The following MECOM variants were observed in gnomAD, a reference collection of about 807,000 sequenced individuals.
MECOM encodes the protein MDS1 and EVI1 complex locus, also known as histone-lysine N-methyltransferase MECOM.
MECOM carries 13 observed loss-of-function variants against 116.3 expected under a neutral mutation model. The observed-to-expected ratio is 0.11, with a 90% confidence interval of 0.07 to 0.18. The LOEUF (loss-of-function observed/expected upper bound fraction) is 0.18, where lower values mean the gene tolerates loss of function less well. MECOM is among the 10% of genes least tolerant of loss of function. MECOM has a pLI of 1.00. For synonymous variants in MECOM, 528 were observed against 535.2 expected (o/e 0.99, Z 0.19); for missense variants, 1,299 against 1,509.0 (o/e 0.86, Z 2.31).
At chr3:169,439,466 T>C (rs973871098) in intron 1 of MECOM, among the ~76,000 whole-genome samples, 5 of 151,750 alleles carry the variant, frequency 3.3e-5, no homozygotes, top group Non-Finnish European at 7.4e-5. Flanking sequence ...AAATAGGCCA[T>C]AGACATAAAC....
intron 1 of MECOM, among the ~76,000 whole-genome samples, chr3:169,462,752 A>G (rs1003613214): frequency 6.6e-6 from 1 of 152,172 alleles, no homozygotes; most frequent in Non-Finnish European, 1.5e-5. Context: ...TGAATACTGT[A>G]AAGGTAGTCT....
intron 1 of MECOM, among the ~76,000 whole-genome samples, chr3:169,472,580 GAGGAAAGGAAAGGAA>G (rs779270656): frequency 1.7e-5 from 1 of 59,084 alleles, no homozygotes; most frequent in Non-Finnish European, 3.1e-5. Context: ...GAGGAGAGGA[GAGGAAAGGAAAGGAA>G]AGGAAAGGAA....
At chr3:169,577,128 T>C (rs1764610588) in intron 1 of MECOM, among the ~76,000 whole-genome samples, 2 of 152,176 alleles carry the variant, frequency 1.3e-5, no homozygotes, top group African/African-American at 4.8e-5. Context: ...TGTACCTCTG[T>C]TTCCTCACAT....
At chr3:169,196,737 T>C (rs554007562) in intron 2 of MECOM, among the ~76,000 whole-genome samples, 3 of 152,174 alleles carry the variant, frequency 2.0e-5, no homozygotes, top group South Asian at 2.1e-4. Flanking sequence ...AGTTCAGCCA[T>C]TGGGAAAGCA....
chr3:169,413,087 C>G (rs908990601), intron 1 of MECOM, among the ~76,000 whole-genome samples: 1 of 152,236 alleles, frequency 6.6e-6, no homozygotes, highest in Non-Finnish European at 1.5e-5. Context: ...AGAAACAGCT[C>G]TGATCTGCAG....
intron 1 of MECOM, among the ~76,000 whole-genome samples, chr3:169,558,420 G>A (rs902473549): frequency 1.2e-4 from 18 of 152,058 alleles, no homozygotes; most frequent in African/African-American, 3.9e-4. Context: ...ACCAGTAGAC[G>A]CCCATTCTCT....
intron 1 of MECOM, among the ~76,000 whole-genome samples, chr3:169,574,295 C>A: frequency 6.6e-6 from 1 of 152,030 alleles, no homozygotes; most frequent in Non-Finnish European, 1.5e-5. Flanking sequence ...GTGATTTCAC[C>A]GAGAGATTTA....
chr3:169,107,027 A>T lies in MECOM; in HGVS notation c.2604+899T>A, dbSNP rs191902901. Among the ~76,000 whole-genome samples, 282 of 152,336 alleles carry T rather than the reference A, an allele frequency of 1.9e-3. 2 individuals carry two copies. The highest frequency in any genetic ancestry group is 3.4e-3 in the Middle Eastern group (1 of 294). The stretch of plus-strand genomic sequence containing the variant: ...GAGATAAAATGAAGGAATTTCTCAT[A>T]AAGAAAAATTAACATCAAATAGAGG... On this transcript the variant is annotated intron_variant, in intron 10 of 16. Transcript: ENST00000651503.
At chr3:169,415,361 C>G (rs774726178) in intron 1 of MECOM, among the ~76,000 whole-genome samples, 1 of 152,174 alleles carries the variant, frequency 6.6e-6, no homozygotes, top group Non-Finnish European at 1.5e-5. Context: ...CCAGGCCTGC[C>G]TTACAAGCGC....
chr3:169,333,091 C>G (rs1723018800), intron 2 of MECOM, among the ~76,000 whole-genome samples: 1 of 152,150 alleles, frequency 6.6e-6, no homozygotes, highest in African/African-American at 2.4e-5. Context: ...TCCTTTATGT[C>G]TGACCACCAA....
intron 1 of MECOM, among the ~76,000 whole-genome samples, chr3:169,520,828 CA>C (rs1245961917): frequency 1.3e-5 from 2 of 152,094 alleles, no homozygotes; most frequent in Non-Finnish European, 1.5e-5. Flanking sequence ...CTTAGTGGCT[CA>C]GATGTGTAGC....
At chr3:169,561,006 G>A (rs1762573798) in intron 1 of MECOM, among the ~76,000 whole-genome samples, 1 of 151,326 alleles carries the variant, frequency 6.6e-6, no homozygotes, top group Admixed American at 6.6e-5. Flanking sequence ...CAAAACTAGG[G>A]AAATATGAAC....
intron 2 of MECOM, among the ~76,000 whole-genome samples, chr3:169,219,922 AAT>A (rs1171309208): frequency 6.7e-6 from 1 of 148,890 alleles, no homozygotes; most frequent in Admixed American, 6.7e-5. Context: ...TAAAGGATCT[AAT>A]ATATATATTA....
At chr3:169,471,529 T>A (rs904568345) in intron 1 of MECOM, among the ~76,000 whole-genome samples, 1 of 152,176 alleles carries the variant, frequency 6.6e-6, no homozygotes, top group Non-Finnish European at 1.5e-5. Context: ...AGTCACACGC[T>A]CTTTGGGCTT....
At chr3:169,476,007 G>A (rs781385657) in intron 1 of MECOM, among the ~76,000 whole-genome samples, 6 of 152,212 alleles carry the variant, frequency 3.9e-5, no homozygotes, top group Admixed American at 1.3e-4. Context: ...GCCACTTTTC[G>A]CAGCTTTGTT....
intron 2 of MECOM, among the ~76,000 whole-genome samples, chr3:169,375,872 AC>A (rs1730943269): frequency 8.4e-6 from 1 of 119,292 alleles, no homozygotes; most frequent in Non-Finnish European, 1.8e-5. Flanking sequence ...CAGAGACACA[AC>A]AAAAAAAGAA....
At chr3:169,238,901 T>G (rs1417241285) in intron 2 of MECOM, among the ~76,000 whole-genome samples, 1 of 152,162 alleles carries the variant, frequency 6.6e-6, no homozygotes, top group African/African-American at 2.4e-5. Context: ...TTATGATTAA[T>G]CCTATAAAAT....
chr3:169,520,081 G>T (rs1757171430), intron 1 of MECOM, among the ~76,000 whole-genome samples: 1 of 152,222 alleles, frequency 6.6e-6, no homozygotes, highest in Non-Finnish European at 1.5e-5. Flanking sequence ...GTTTGGAGCT[G>T]CCCAGAACCA....
At chr3:169,088,565 C>T (rs749201711) in intron 16 of MECOM, among the ~76,000 whole-genome samples, 1 of 152,042 alleles carries the variant, frequency 6.6e-6, no homozygotes, top group East Asian at 1.9e-4. Flanking sequence ...ATTAACTACA[C>T]CTAACAATTT....
Sources: gnomAD v4.1 joint callset for allele counts (sites outside exome capture counted in the v4.1 genomes callset) on GRCh38, gnomAD v4.1.1 for gene constraint, MANE v1.5 for transcripts, NCBI Gene and HGNC (gene_info 2026-07-23, HGNC 2026-07-21) for gene names.